Variants in CAMK1D observed in about 807,000 individuals in gnomAD.
The protein encoded by CAMK1D is calcium/calmodulin-dependent protein kinase type 1D.
CAMK1D carries 9 observed loss-of-function variants against 47.7 expected under a neutral mutation model. The ratio of observed to expected loss-of-function variants is 0.19; its 90% CI spans 0.11 to 0.33. CAMK1D has a LOEUF of 0.33. CAMK1D is among the 10% of genes least tolerant of loss of function. The probability of loss-of-function intolerance (pLI) is 1.00; values close to 1 mark genes in which losing one functional copy is unlikely to be tolerated. For synonymous variants in CAMK1D, 184 were observed against 184.9 expected, an observed-to-expected ratio of 0.99 and a Z score of 0.04; for missense variants, 291 against 488.7, an observed-to-expected ratio of 0.60 and a Z score of 3.81.
rs1196572000 is a variant in CAMK1D, at chr10:12,387,449, A to ATATTTTATATATTATATATATTT, written c.92+37542_92+37543insTTTATATATTATATATATTTTAT. Among the ~76,000 whole-genome samples the ATATTTTATATATTATATATATTT allele has an allele frequency of 1.2e-4, 15 of 124,448 alleles. No individual in the cohort carries two copies. In the East Asian group the frequency reaches 3.1e-3, roughly 26 times the overall value. The allele number at this position is 124,448 out of a possible 152,430, so 81.6% of individuals were successfully genotyped here. A position where few individuals can be genotyped will look rare whatever the true frequency, so the allele number is the denominator to read the frequency against. ...ATTTTATATATTATATATATTTTAT[A>ATATTTTATATATTATATATATTT]TATATATATATATATAGACATTGTA... On this transcript the variant is annotated intron_variant, in intron 1 of 10. Transcript: ENST00000619168.
At chr10:12,642,241 C>T (rs1221107088) in intron 2 of CAMK1D, among the ~76,000 whole-genome samples, 2 of 152,160 alleles carry the variant, frequency 1.3e-5, no homozygotes, top group East Asian at 3.9e-4. Flanking sequence ...GTGTGCTGGC[C>T]TGTGGATGGG....
intron 3 of CAMK1D, among the ~76,000 whole-genome samples, chr10:12,712,279 A>G: frequency 6.6e-6 from 1 of 152,214 alleles, no homozygotes; most frequent in Non-Finnish European, 1.5e-5. Context: ...TTGCAGGTTC[A>G]GGAATGTCAG....
Position 12,504,363 on chromosome 10 carries a change from C to G in CAMK1D, c.93-48862C>G, listed in dbSNP as rs11593330. ...GGGAGGTGGTGGTCATGGTGTAAGT[C>G]CCAGAGTCCAAAGACCCAAGAATCA... is the stretch of plus-strand genomic sequence containing the variant. On this transcript the variant is annotated intron_variant, in intron 1 of 10. Coordinates refer to ENST00000619168, the MANE Select transcript of CAMK1D (RefSeq NM_153498.4). Among the ~76,000 whole-genome samples the G allele has an allele frequency of 7.4e-3, 1,120 of 152,144 alleles. 27 individuals are homozygous for G. The highest frequency in any genetic ancestry group is 0.045 in the East Asian group (234 of 5,154).
intron 1 of CAMK1D, among the ~76,000 whole-genome samples, chr10:12,532,118 A>C (rs1247483409): frequency 6.6e-6 from 1 of 152,232 alleles, no homozygotes; most frequent in Non-Finnish European, 1.5e-5. Flanking sequence ...TCATTCCTAT[A>C]ACAGAAAAAT....
rs199637965 is a variant in CAMK1D, at chr10:12,816,344, C to A, written c.833+16C>A. On this transcript the variant is annotated intron_variant, in intron 8 of 10. Coordinates refer to ENST00000619168, the MANE Select transcript of CAMK1D (RefSeq NM_153498.4). Reference sequence around the variant, plus strand: ...GGCACCCATGGTAAGGAAATGCACCCGCTCAGCAGACCGTGCCATTTAATG... The same window carrying A: ...GGCACCCATGGTAAGGAAATGCACCAGCTCAGCAGACCGTGCCATTTAATG... 2.5e-6 allele frequency: 4 copies of A among 1,608,922 alleles called. No homozygotes were observed. Among genetic ancestry groups the A allele is most frequent in the African/African-American group, 2.7e-5 (2 of 74,882 alleles).
At chr10:12,736,803 G>A (rs1835210375) in intron 3 of CAMK1D, among the ~76,000 whole-genome samples, 2 of 152,184 alleles carry the variant, frequency 1.3e-5, no homozygotes, top group Admixed American at 1.3e-4. Context: ...GGTTGCCAGT[G>A]AGAGAAACCC....
In CAMK1D at chr10:12,752,136, A is replaced by G. The variant is rs1005252770; in HGVS notation, c.300-8812A>G. ...GTAGCTGGGATTACAGGCGCCCGCC[A>G]TCATGCCTGGCTAACTTTTGTATTT... On this transcript the variant is annotated intron_variant, in intron 3 of 10. Coordinates refer to ENST00000619168, the MANE Select transcript of CAMK1D (RefSeq NM_153498.4). 5.3e-5 allele frequency among the ~76,000 whole-genome samples: 8 copies of G among 152,170 alleles called. No individual in the cohort carries two copies. The South Asian group carries it at 1.2e-3, about 24-fold the overall frequency.
intron 2 of CAMK1D, among the ~76,000 whole-genome samples, chr10:12,604,481 G>A (rs533124123): frequency 1.3e-5 from 2 of 152,256 alleles, no homozygotes; most frequent in South Asian, 2.1e-4. Flanking sequence ...TGCCTCACCC[G>A]AGACGCCATC....
chr10:12,476,149 G>T (rs1037034992), intron 1 of CAMK1D, among the ~76,000 whole-genome samples: 3 of 152,008 alleles, frequency 2.0e-5, no homozygotes, highest in Non-Finnish European at 4.4e-5. Flanking sequence ...AAAATTAGCT[G>T]GGCATGGTGG....
intron 2 of CAMK1D, among the ~76,000 whole-genome samples, chr10:12,611,561 C>T (rs1838621248): frequency 6.9e-6 from 1 of 144,122 alleles, no homozygotes; most frequent in Non-Finnish European, 1.5e-5. Flanking sequence ...TCTCTGTACC[C>T]CCAGTTCCCT....
chr10:12,404,742 C>T (rs777754571), intron 1 of CAMK1D, among the ~76,000 whole-genome samples: 8 of 151,754 alleles, frequency 5.3e-5, no homozygotes, highest in South Asian at 2.1e-4. Flanking sequence ...TCACCCAGAC[C>T]GGAGTGCAGT....
chr10:12,797,850 G>A (rs1269133679), intron 6 of CAMK1D, among the ~76,000 whole-genome samples: 2 of 152,148 alleles, frequency 1.3e-5, no homozygotes, highest in African/African-American at 2.4e-5. Context: ...GGGACTTGAG[G>A]CATTGTCTGT....
In CAMK1D at chr10:12,554,172, T is replaced by C. The variant is rs558341432; in HGVS notation, c.224+816T>C. On this transcript the variant is annotated intron_variant, in intron 2 of 10. Transcript: ENST00000619168. ...TCCCCTCCCCTCTCCTCTCCTTTCC[T>C]TTCCTGACAGAATCTCGCTCTGTTG... 2.0e-5 allele frequency among the ~76,000 whole-genome samples: 3 copies of C among 149,626 alleles called. 1 individual carries two copies. The highest frequency in any genetic ancestry group is 7.3e-5 in the African/African-American group (3 of 40,950).
chr10:12,501,413 G>A (rs1442354459), intron 1 of CAMK1D, among the ~76,000 whole-genome samples: 1 of 152,148 alleles, frequency 6.6e-6, no homozygotes, highest in Non-Finnish European at 1.5e-5. Context: ...GCTTACCTGG[G>A]GCGTGAGTGC....
chr10:12,740,134 C>T (rs563444314), intron 3 of CAMK1D, among the ~76,000 whole-genome samples: 1 of 152,274 alleles, frequency 6.6e-6, no homozygotes, highest in East Asian at 1.9e-4. Context: ...CAGCTTTTTC[C>T]TGGGGCCTCA....
chr10:12,388,133 C>G (rs1458488333), intron 1 of CAMK1D, among the ~76,000 whole-genome samples: 1 of 152,204 alleles, frequency 6.6e-6, no homozygotes, highest in East Asian at 1.9e-4. Context: ...AAAGAAGACC[C>G]TGGCTCAGCC....
chr10:12,673,933 T>C (rs930074027), intron 3 of CAMK1D, among the ~76,000 whole-genome samples: 29 of 152,082 alleles, frequency 1.9e-4, no homozygotes, highest in Non-Finnish European at 2.5e-4. Context: ...AATCCATCTG[T>C]TTTTCTTTTT....
chr10:12,727,397 A>C (rs186894907), intron 3 of CAMK1D, among the ~76,000 whole-genome samples: 225 of 152,370 alleles, frequency 1.5e-3, no homozygotes, highest in Admixed American at 2.3e-3. Flanking sequence ...TCCTTCAAGA[A>C]GCATTTTTAC....
intron 1 of CAMK1D, among the ~76,000 whole-genome samples, chr10:12,470,806 C>T (rs1452273532): frequency 6.6e-6 from 1 of 152,210 alleles, no homozygotes; most frequent in African/African-American, 2.4e-5. Flanking sequence ...CGTGAGCCAC[C>T]TTGCCCGGTC....
Sources: allele counts gnomAD v4.1 joint callset (sites outside exome capture counted in the v4.1 genomes callset), GRCh38; gene constraint gnomAD v4.1.1; transcripts MANE v1.5; gene names NCBI Gene and HGNC (gene_info 2026-07-23, HGNC 2026-07-21).